The following SLC2A9 variants were observed in gnomAD, a reference collection of about 807,000 sequenced individuals.
The protein encoded by SLC2A9 is solute carrier family 2 member 9, also known as solute carrier family 2, facilitated glucose transporter member 9.
Under a neutral mutation model 50.6 loss-of-function variants are expected in SLC2A9, and 39 were observed. The observed-to-expected ratio is 0.77, with a 90% CI of 0.60 to 1.01. The LOEUF (loss-of-function observed/expected upper bound fraction) is 1.01. SLC2A9 is among the 50% of genes least tolerant of loss of function. The pLI is 0.00. For missense variants in SLC2A9, 686 were observed against 677.6 expected, an observed-to-expected ratio of 1.01 and a Z score of -0.14; for synonymous variants, 324 against 276.9, an observed-to-expected ratio of 1.17 and a Z score of -1.69.
At chr4:9,786,256 A>G (rs899759963) in intron 3 of SLC2A9, among the ~76,000 whole-genome samples, 5 of 152,164 alleles carry the variant, frequency 3.3e-5, no homozygotes, top group Non-Finnish European at 5.9e-5. Flanking sequence ...TTTTACAGAT[A>G]AGGAAATGAA....
intron 11 of SLC2A9, among the ~76,000 whole-genome samples, chr4:9,832,812 T>G (rs1457927671): frequency 6.6e-6 from 1 of 152,146 alleles, no homozygotes; most frequent in Admixed American, 6.5e-5. Flanking sequence ...CAGGCAGCGG[T>G]GGAGCACTCT....
chr4:9,880,645 G>C (rs1735046853), intron 10 of SLC2A9: 2 of 831,604 alleles, frequency 2.4e-6, no homozygotes, highest in Non-Finnish European at 2.9e-6. Flanking sequence ...TGTGTGCATG[G>C]GTGGGGAAGA....
intron 5 of SLC2A9, among the ~76,000 whole-genome samples, chr4:9,973,748 T>A (rs1055863013): frequency 1.5e-4 from 22 of 146,394 alleles, no homozygotes; most frequent in African/African-American, 5.3e-4. Context: ...CATTAGGAGG[T>A]ATACTTAATG....
At chr4:9,772,568 C>T (rs1716964547) in intron 1 of SLC2A9, among the ~76,000 whole-genome samples, 1 of 152,210 alleles carries the variant, frequency 6.6e-6, no homozygotes, top group Non-Finnish European at 1.5e-5. Context: ...AACCACCGGC[C>T]TCTGAATGAG....
intron 5 of SLC2A9, among the ~76,000 whole-genome samples, chr4:9,972,881 A>C (rs1039675631): frequency 6.6e-6 from 1 of 152,222 alleles, no homozygotes; most frequent in African/African-American, 2.4e-5. Flanking sequence ...CACCACTCCT[A>C]GAGGAAGTAG....
intron 2 of SLC2A9, among the ~76,000 whole-genome samples, chr4:9,998,255 C>G (rs1759090823): frequency 6.6e-6 from 1 of 152,174 alleles, no homozygotes. Flanking sequence ...CGTGAGCCCG[C>G]AAACCTCAGC....
chr4:9,964,098 G>C (rs554889389), intron 5 of SLC2A9, among the ~76,000 whole-genome samples: 3 of 152,192 alleles, frequency 2.0e-5, no homozygotes, highest in Middle Eastern at 3.2e-3. Flanking sequence ...ACTGAATATC[G>C]AGGGGGAGAC....
chr4:9,912,155 G>T (rs755237871), intron 7 of SLC2A9, among the ~76,000 whole-genome samples: 2 of 152,124 alleles, frequency 1.3e-5, no homozygotes, highest in African/African-American at 2.4e-5. Context: ...TGGGGGGAGC[G>T]GGGAGGGAGA....
At chr4:9,854,935 A>G (rs575405619) in intron 10 of SLC2A9, among the ~76,000 whole-genome samples, 97 of 152,290 alleles carry the variant, frequency 6.4e-4, no homozygotes, top group African/African-American at 2.3e-3. Flanking sequence ...AACCCTCCAC[A>G]ACTTGGCATT....
At chr4:9,875,416 T>TGGCCATAG (rs1734155991) in intron 10 of SLC2A9, among the ~76,000 whole-genome samples, 1 of 151,992 alleles carries the variant, frequency 6.6e-6, no homozygotes, top group African/African-American at 2.4e-5. Flanking sequence ...TCTTTAGAAA[T>TGGCCATAG]GTCTTCTTGT....
intron 10 of SLC2A9, among the ~76,000 whole-genome samples, chr4:9,844,871 CTG>C (rs1380148060): frequency 1.2e-4 from 18 of 152,356 alleles, no homozygotes; most frequent in South Asian, 1.0e-3. Context: ...TTAAATGAGA[CTG>C]TGCTTAGCAA....
At chr4:9,794,887 G>A (rs574755615), downstream of SLC2A9, among the ~76,000 whole-genome samples, 75 of 152,216 alleles carry the variant, frequency 4.9e-4, no homozygotes, top group Middle Eastern at 3.4e-3. Context: ...TGTATGAGCC[G>A]AGGACCAGAG....
At chr4:9,825,697 A>G (rs971303936), downstream of SLC2A9, among the ~76,000 whole-genome samples, 16 of 152,268 alleles carry the variant, frequency 1.1e-4, no homozygotes, top group African/African-American at 3.4e-4. Context: ...ACAGGACTCT[A>G]ATAGTCTGGG....
chr4:9,855,530 G>A (rs1449130960), intron 10 of SLC2A9, among the ~76,000 whole-genome samples: 2 of 146,028 alleles, frequency 1.4e-5, no homozygotes, highest in African/African-American at 2.7e-5. Context: ...TGTTAAAATG[G>A]TCATAGTGCC....
At chr4:9,782,874 C>G in intron 3 of SLC2A9, 1 of 1,613,812 alleles carries the variant, frequency 6.2e-7, no homozygotes, top group African/African-American at 1.3e-5. Context: ...GCGCCCGACA[C>G]CAGCCTGCGC....
At chr4:9,911,321 T>TA (rs1169818648) in intron 7 of SLC2A9, among the ~76,000 whole-genome samples, 3 of 152,022 alleles carry the variant, frequency 2.0e-5, no homozygotes, top group African/African-American at 7.2e-5. Context: ...CTGCCAGTCT[T>TA]AATCTGTTTG....
intron 3 of SLC2A9, among the ~76,000 whole-genome samples, chr4:9,799,746 A>T (rs553027681): frequency 1.5e-5 from 2 of 130,490 alleles, no homozygotes; most frequent in South Asian, 5.1e-4. Context: ...ATGTAATCTC[A>T]TGACCTACAG....
In SLC2A9 at chr4:9,899,703, G is replaced by A. The variant is rs372913497; in HGVS notation, c.1113+8532C>T. 6.6e-5 allele frequency among the ~76,000 whole-genome samples: 10 copies of A among 152,262 alleles called. No homozygotes were observed. The East Asian group carries it at 1.4e-3, about 21-fold the overall frequency. On this transcript the variant is annotated intron_variant, in intron 8 of 11. Transcript: ENST00000264784. ...TGGGCCAAAGGTGTGAGAAATGAGAGTTGTGTTTTAAATAATGATCATCCC... is the reference window on the plus strand; with the variant it reads ...TGGGCCAAAGGTGTGAGAAATGAGAATTGTGTTTTAAATAATGATCATCCC...
At position 9,846,150 on chromosome 4, in the gene SLC2A9, A is replaced by G. The variant is rs555449333; in HGVS notation, c.1292-11142T>C. Among the ~76,000 whole-genome samples, 3 of 152,324 alleles carry G rather than the reference A, an allele frequency of 2.0e-5. No homozygotes were observed. In the South Asian group the frequency reaches 6.2e-4, roughly 32 times the overall value. The stretch of plus-strand genomic sequence containing the variant: ...ATAGACTTGGCTCCGAATCCAAGAG[A>G]TCCGGACCCAGGTAAGAGACTCTCT... On this transcript the variant is annotated intron_variant, in intron 10 of 11. Transcript: ENST00000264784.
Sources: allele counts gnomAD v4.1 joint callset (sites outside exome capture counted in the v4.1 genomes callset), GRCh38; gene constraint gnomAD v4.1.1; transcripts MANE v1.5; gene names NCBI Gene and HGNC (gene_info 2026-07-23, HGNC 2026-07-21).